The following AKR1C4 variants were observed in gnomAD, a reference collection of about 807,000 sequenced individuals.
The protein encoded by AKR1C4 is aldo-keto reductase family 1 member C4.
AKR1C4 carries 44 observed loss-of-function variants against 41.0 expected under a neutral mutation model. That is an observed-to-expected ratio of 1.07 (90% confidence interval 0.84 to 1.38). The LOEUF is 1.38. Ranked by LOEUF, AKR1C4 falls within the 40% of genes most tolerant of loss-of-function variation. The pLI is 0.00. For missense variants in AKR1C4, 438 were observed against 387.9 expected, an observed-to-expected ratio of 1.13 and a Z score of -1.09; for synonymous variants, 165 against 137.7, an observed-to-expected ratio of 1.20 and a Z score of -1.39.
rs560270751 is a variant in AKR1C4, at chr10:5,198,786, C to T, written c.85-1395C>T. On this transcript the variant is annotated intron_variant, in intron 1 of 8. Coordinates refer to ENST00000263126, the MANE Select transcript of AKR1C4 (RefSeq NM_001818.5). ...CTTTGGTAGGCCAAGGCAGGTGGAT[C>T]CCTTGAGCTCCGGAGTTTGAGCCTG... 2.0e-5 allele frequency among the ~76,000 whole-genome samples: 3 copies of T among 152,266 alleles called. No homozygotes were observed. The East Asian group carries it at 5.8e-4, about 29-fold the overall frequency.
intron 5 of AKR1C4, among the ~76,000 whole-genome samples, chr10:5,206,681 AG>A (rs2132131133): frequency 6.6e-6 from 1 of 150,486 alleles, no homozygotes; most frequent in South Asian, 2.1e-4. Context: ...CTCAGGGAGA[AG>A]GTGGACTTAT....
At position 5,218,745 on chromosome 10, in the gene AKR1C4, T is replaced by C. The variant is rs1457100500; in HGVS notation, c.957T>C (p.Phe319=). 1.2e-5 allele frequency: 19 copies of C among 1,604,602 alleles called. No homozygotes were observed. Among genetic ancestry groups the C allele is most frequent in the Non-Finnish European group, 1.6e-5 (19 of 1,171,448 alleles). ...DFLMDHPDYP[F]SDEY ...TTATGGACCATCCTGATTATCCATTTTCAGATGAATATTAGCATAGAGGGT... is the reference window on the plus strand; with the variant it reads ...TTATGGACCATCCTGATTATCCATTCTCAGATGAATATTAGCATAGAGGGT... The change falls in exon 9 of 9, where the codon TTT becomes TTC. Residue 319 remains phenylalanine, a synonymous_variant. Transcript: ENST00000263126.
chr10:5,215,501 T>G (rs1832643305), intron 7 of AKR1C4, among the ~76,000 whole-genome samples: 1 of 152,086 alleles, frequency 6.6e-6, no homozygotes, highest in African/African-American at 2.4e-5. Context: ...TTCAGGAAGC[T>G]TTAAGTTCCA....
intron 8 of AKR1C4, among the ~76,000 whole-genome samples, chr10:5,217,852 C>G (rs1832676850): frequency 6.6e-6 from 1 of 152,128 alleles, no homozygotes; most frequent in East Asian, 1.9e-4. Context: ...TCTATATGCT[C>G]CAAGGTTCTA....
intron 1 of AKR1C4, among the ~76,000 whole-genome samples, chr10:5,197,341 C>T (rs1260301662): frequency 2.6e-5 from 4 of 152,114 alleles, no homozygotes; most frequent in South Asian, 2.1e-4. Flanking sequence ...TTCTACTAGA[C>T]GTGATCAAAA....
chr10:5,199,474 C>T (rs1216001077), intron 1 of AKR1C4, among the ~76,000 whole-genome samples: 1 of 152,114 alleles, frequency 6.6e-6, no homozygotes, highest in Non-Finnish European at 1.5e-5. Context: ...GCCTGCCATG[C>T]CCCCATCCTG....
At chr10:5,215,809 C>T (rs1029308087) in intron 7 of AKR1C4, among the ~76,000 whole-genome samples, 1 of 152,154 alleles carries the variant, frequency 6.6e-6, no homozygotes, top group East Asian at 1.9e-4. Context: ...AATCACTTAA[C>T]CAATGCCTAA....
chr10:5,206,803 CAGTG>C (rs1391504818), intron 5 of AKR1C4, among the ~76,000 whole-genome samples: 72 of 150,820 alleles, frequency 4.8e-4, no homozygotes, highest in African/African-American at 1.7e-3. Flanking sequence ...AATCAGGAGA[CAGTG>C]AGAATAAGAG....
intron 5 of AKR1C4, among the ~76,000 whole-genome samples, chr10:5,211,915 G>A (rs1554797962): frequency 6.6e-6 from 1 of 152,082 alleles, no homozygotes; most frequent in Non-Finnish European, 1.5e-5. Flanking sequence ...GCTTGTGCAG[G>A]GAAACCCATT....
intron 1 of AKR1C4, among the ~76,000 whole-genome samples, chr10:5,197,586 T>C (rs1348084958): frequency 1.3e-5 from 2 of 152,200 alleles, no homozygotes; most frequent in Non-Finnish European, 2.9e-5. Context: ...CGTGTTAATA[T>C]GCATCAGATT....
intron 7 of AKR1C4, among the ~76,000 whole-genome samples, chr10:5,215,871 A>G (rs1360394416): frequency 1.3e-5 from 2 of 152,168 alleles, no homozygotes; most frequent in Non-Finnish European, 2.9e-5. Flanking sequence ...CCCTCCTGAC[A>G]CTTCCAAACT....
intron 1 of AKR1C4, 149 bp from the exon 2 acceptor site, chr10:5,200,032 G>C (rs926437243): frequency 1.4e-5 from 13 of 955,460 alleles, no homozygotes; most frequent in African/African-American, 1.3e-4. Context: ...GCCCCCATCT[G>C]TATGCTCCCC....
chr10:5,211,604 T>TA (rs1832576758), intron 5 of AKR1C4, among the ~76,000 whole-genome samples: 1 of 152,232 alleles, frequency 6.6e-6, no homozygotes, highest in African/African-American at 2.4e-5. Context: ...AACAAGTCTC[T>TA]AGGAAGTTCC....
chr10:5,211,076 A>G (rs1832568407), intron 5 of AKR1C4, among the ~76,000 whole-genome samples: 1 of 152,198 alleles, frequency 6.6e-6, no homozygotes, highest in African/African-American at 2.4e-5. Context: ...CCTAGACTGC[A>G]CACAGAATGG....
intron 5 of AKR1C4, chr10:5,207,854 A>AT (rs1832513520): frequency 8.1e-6 from 2 of 247,126 alleles, no homozygotes; most frequent in African/African-American, 4.7e-5. Context: ...CCTGGGTGCT[A>AT]TCAAAGCTTC....
In AKR1C4 at chr10:5,204,331, T is replaced by C; in HGVS notation, c.253-46T>C. 4 of 1,398,534 alleles carry C rather than the reference T, an allele frequency of 2.9e-6. No individual in the cohort carries two copies. In the South Asian group the frequency reaches 3.6e-5, roughly 12 times the overall value. 86.6% of individuals were successfully genotyped at this position (1,398,534 alleles called of 1,614,324 possible). On this transcript the variant is annotated intron_variant, in intron 2 of 8. Coordinates refer to ENST00000263126, the MANE Select transcript of AKR1C4 (RefSeq NM_001818.5). ...ATTAGGTGAAGCAAACTAATAAAAC[T>C]AGCTCATGTTTTTATTCAACATAAA...
intron 7 of AKR1C4, among the ~76,000 whole-genome samples, chr10:5,216,235 G>A (rs1472284637): frequency 1.3e-5 from 2 of 152,108 alleles, no homozygotes; most frequent in Non-Finnish European, 2.9e-5. Context: ...ATTACCATGG[G>A]GAGGGCACCC....
intron 2 of AKR1C4, 123 bp from the exon 3 acceptor site, chr10:5,204,254 A>G: frequency 1.4e-6 from 1 of 723,352 alleles, no homozygotes; most frequent in Non-Finnish European, 2.4e-6. Context: ...AATAAAACAA[A>G]GGGAATTTTT....
chr10:5,209,430 G>A (rs751937691), intron 5 of AKR1C4, among the ~76,000 whole-genome samples: 1 of 151,670 alleles, frequency 6.6e-6, no homozygotes, highest in Non-Finnish European at 1.5e-5. Context: ...ACAAAGTCAA[G>A]AAAAGAAACA....
Sources: gnomAD v4.1 joint callset for allele counts (sites outside exome capture counted in the v4.1 genomes callset) on GRCh38, gnomAD v4.1.1 for gene constraint, MANE v1.5 for transcripts, NCBI Gene and HGNC (gene_info 2026-07-23, HGNC 2026-07-21) for gene names.